LRRTM4: variants seen among roughly 807,000 people sequenced by gnomAD.
LRRTM4 encodes the protein leucine-rich repeat transmembrane neuronal protein 4.
Under a neutral mutation model 47.6 loss-of-function variants are expected in LRRTM4, and 25 were observed. The observed-to-expected ratio is 0.53, with a 90% CI of 0.38 to 0.73. The LOEUF (loss-of-function observed/expected upper bound fraction) is 0.73, where lower values mean the gene tolerates loss of function less well. Ranked by LOEUF, LRRTM4 falls within the 30% of genes least tolerant of loss-of-function variation. LRRTM4 has a pLI of 0.00. For synonymous variants in LRRTM4, 311 were observed against 269.5 expected (o/e 1.15, Z -1.51); for missense variants, 638 against 713.4 (o/e 0.89, Z 1.20).
At chr2:77,422,737 C>T (rs1234867879) in intron 3 of LRRTM4, among the ~76,000 whole-genome samples, 1 of 151,882 alleles carries the variant, frequency 6.6e-6, no homozygotes, top group African/African-American at 2.4e-5. Context: ...AAGACACAGA[C>T]TAAAATTGTT....
At chr2:76,868,044 T>C (rs1672514391) in intron 3 of LRRTM4, among the ~76,000 whole-genome samples, 1 of 152,146 alleles carries the variant, frequency 6.6e-6, no homozygotes, top group Non-Finnish European at 1.5e-5. Context: ...GTGGAGACAT[T>C]TCCTGTTGAC....
At chr2:76,794,620 A>ATTTTATCTG (rs1055568283) in intron 3 of LRRTM4, among the ~76,000 whole-genome samples, 2 of 152,198 alleles carry the variant, frequency 1.3e-5, no homozygotes, top group Admixed American at 1.3e-4. Context: ...AAAAGCAATA[A>ATTTTATCTG]TTTTATCTGT....
intron 3 of LRRTM4, among the ~76,000 whole-genome samples, chr2:77,121,377 C>T (rs953811380): frequency 2.6e-5 from 4 of 151,644 alleles, no homozygotes; most frequent in African/African-American, 9.7e-5. Context: ...TTACCTCTTC[C>T]CAAACAAAGG....
chr2:76,933,041 T>C (rs538722315), intron 3 of LRRTM4, among the ~76,000 whole-genome samples: 47 of 152,252 alleles, frequency 3.1e-4, no homozygotes, highest in African/African-American at 1.1e-3. Context: ...TAATATTCAA[T>C]TCCTCACATC....
At chr2:77,299,319 A>G (rs547831782) in intron 3 of LRRTM4, among the ~76,000 whole-genome samples, 4 of 151,230 alleles carry the variant, frequency 2.6e-5, no homozygotes, top group Non-Finnish European at 5.9e-5. Flanking sequence ...ATATACATAT[A>G]TATGTGTGTA....
chr2:77,179,252 G>T (rs376471428), intron 3 of LRRTM4, among the ~76,000 whole-genome samples: 1 of 152,084 alleles, frequency 6.6e-6, no homozygotes, highest in African/African-American at 2.4e-5. Context: ...GAATTAACAC[G>T]TCAGCAAGCA....
chr2:76,856,138 A>G (rs1327850742), intron 3 of LRRTM4, among the ~76,000 whole-genome samples: 3 of 151,996 alleles, frequency 2.0e-5, no homozygotes, highest in Non-Finnish European at 4.4e-5. Flanking sequence ...TTAGCCCAGC[A>G]TCGTGGCTGA....
At chr2:76,921,246 T>C (rs1362244486) in intron 3 of LRRTM4, among the ~76,000 whole-genome samples, 1 of 152,106 alleles carries the variant, frequency 6.6e-6, no homozygotes, top group Admixed American at 6.6e-5. Context: ...TTTTGTAGAA[T>C]GTTGCTCATT....
intron 3 of LRRTM4, among the ~76,000 whole-genome samples, chr2:77,061,218 A>C (rs2103800074): frequency 6.6e-6 from 1 of 152,254 alleles, no homozygotes; most frequent in Non-Finnish European, 1.5e-5. Context: ...AATATCCTTT[A>C]GAGTAAATAG....
chr2:77,130,701 C>T (rs1190993076), intron 3 of LRRTM4, among the ~76,000 whole-genome samples: 6 of 150,710 alleles, frequency 4.0e-5, no homozygotes, highest in Non-Finnish European at 7.4e-5. Context: ...TTAGTAGAGA[C>T]GGGGTTTCAC....
At chr2:77,091,066 C>T (rs562166870) in intron 3 of LRRTM4, among the ~76,000 whole-genome samples, 8 of 152,184 alleles carry the variant, frequency 5.3e-5, no homozygotes, top group African/African-American at 1.7e-4. Flanking sequence ...ACTCTGGTGC[C>T]AGCTGAGACA....
At chr2:77,360,519 TACG>T (rs1371093647) in intron 3 of LRRTM4, among the ~76,000 whole-genome samples, 7 of 146,406 alleles carry the variant, frequency 4.8e-5, no homozygotes, top group Non-Finnish European at 7.6e-5. Flanking sequence ...TACGATACGA[TACG>T]ATACGATACG....
At chr2:77,095,615 C>A (rs945131838) in intron 3 of LRRTM4, among the ~76,000 whole-genome samples, 1 of 151,306 alleles carries the variant, frequency 6.6e-6, no homozygotes, top group Non-Finnish European at 1.5e-5. Flanking sequence ...AAATGATTCT[C>A]GTGCCTCAGC....
intron 3 of LRRTM4, among the ~76,000 whole-genome samples, chr2:77,205,419 A>G (rs993404025): frequency 6.6e-6 from 1 of 152,302 alleles, no homozygotes; most frequent in East Asian, 1.9e-4. Flanking sequence ...TGGCCTGAGG[A>G]CATGGCATCT....
At chr2:76,862,267 T>C (rs1672335705) in intron 3 of LRRTM4, among the ~76,000 whole-genome samples, 1 of 152,162 alleles carries the variant, frequency 6.6e-6, no homozygotes, top group Admixed American at 6.6e-5. Context: ...TCTTGGTGCA[T>C]AGTTCCTCTC....
At chr2:77,105,512 G>C in intron 3 of LRRTM4, among the ~76,000 whole-genome samples, 1 of 128,152 alleles carries the variant, frequency 7.8e-6, no homozygotes, top group Non-Finnish European at 1.6e-5. Flanking sequence ...CCTGTTGTGG[G>C]GTGGGGGGAG....
chr2:76,769,721 G>A (rs1191646064), intron 3 of LRRTM4, among the ~76,000 whole-genome samples: 2 of 151,964 alleles, frequency 1.3e-5, no homozygotes, highest in African/African-American at 2.4e-5. Flanking sequence ...CCCCCCAGAT[G>A]ACTCGTATTT....
chr2:77,507,969 A>G (rs1299195852), intron 3 of LRRTM4, among the ~76,000 whole-genome samples: 3 of 152,132 alleles, frequency 2.0e-5, no homozygotes, highest in Non-Finnish European at 4.4e-5. Context: ...AGTACGTACA[A>G]ATCCATTAAA....
At chr2:77,506,568 A>T (rs1193120432) in intron 3 of LRRTM4, among the ~76,000 whole-genome samples, 1 of 151,910 alleles carries the variant, frequency 6.6e-6, no homozygotes, top group Admixed American at 6.6e-5. Context: ...TTGCTAAAAA[A>T]GAGATAATAA....
Sources: allele counts gnomAD v4.1 joint callset (sites outside exome capture counted in the v4.1 genomes callset), GRCh38; gene constraint gnomAD v4.1.1; transcripts MANE v1.5; gene names NCBI Gene and HGNC (gene_info 2026-07-23, HGNC 2026-07-21).